The following DGKH variants were observed in gnomAD, a reference collection of about 807,000 sequenced individuals.
The protein encoded by DGKH is diacylglycerol kinase eta.
A neutral mutation model predicts 159.3 loss-of-function variants in DGKH; 90 were observed. The observed-to-expected ratio is 0.57, with a 90% confidence interval of 0.48 to 0.67. DGKH has a LOEUF of 0.67. Ranked by LOEUF, DGKH falls within the 30% of genes least tolerant of loss-of-function variation. The pLI is 0.00. For missense variants in DGKH, 1,181 were observed against 1,506.1 expected, an observed-to-expected ratio of 0.78 and a Z score of 3.57; for synonymous variants, 536 against 553.8, an observed-to-expected ratio of 0.97 and a Z score of 0.45.
intron 1 of DGKH, among the ~76,000 whole-genome samples, chr13:42,109,048 A>G (rs1169020974): frequency 6.6e-6 from 1 of 152,252 alleles, no homozygotes; most frequent in Non-Finnish European, 1.5e-5. Flanking sequence ...CAGAGGGACT[A>G]GTTCAATTTA....
At chr13:42,247,541 T>C (rs1206480938), downstream of DGKH, among the ~76,000 whole-genome samples, 1 of 152,220 alleles carries the variant, frequency 6.6e-6, no homozygotes, top group East Asian at 1.9e-4. Context: ...CTACACTTTT[T>C]ATCATTATAT....
chr13:42,069,265 A>G, intron 1 of DGKH: 1 of 1,089,450 alleles, frequency 9.2e-7, no homozygotes, highest in African/African-American at 1.6e-5. Flanking sequence ...ACTTCACAAA[A>G]CTGATTTATG....
In DGKH at chr13:42,236,771, T is replaced by C. The variant is rs1163105163; in HGVS notation, c.*7583T>C. The C allele has an allele frequency of 3.9e-5, 6 of 152,128 alleles. No homozygotes were observed. The highest frequency in any genetic ancestry group is 7.3e-5 in the Non-Finnish European group (5 of 68,078). The allele number at this position is 152,128 out of a possible 1,614,324, so 9.4% of individuals were successfully genotyped here. A position where few individuals can be genotyped will look rare whatever the true frequency, so the allele number is the denominator to read the frequency against. ...TACAAAAATTAGCCAGGTGTGGTGGTGGGTGCCTGTAATCCCAGCTACTCA... is the reference window on the plus strand; with the variant it reads ...TACAAAAATTAGCCAGGTGTGGTGGCGGGTGCCTGTAATCCCAGCTACTCA... On this transcript the variant is annotated 3_prime_UTR_variant, in exon 30 of 30. Transcript: ENST00000337343.
chr13:42,097,618 A>G (rs1387640331), intron 1 of DGKH, among the ~76,000 whole-genome samples: 1 of 152,166 alleles, frequency 6.6e-6, no homozygotes, highest in Non-Finnish European at 1.5e-5. Flanking sequence ...AATATGTAAA[A>G]TTTGTGTAAC....
intron 21 of DGKH, 30 bp from the exon 22 acceptor site, chr13:42,208,929 A>G: frequency 1.3e-6 from 2 of 1,523,684 alleles, no homozygotes; most frequent in Non-Finnish European, 1.8e-6. Flanking sequence ...CTAAACATTC[A>G]GTAGAAGTGT....
At chr13:42,054,952 A>G (rs558767180) in intron 1 of DGKH, among the ~76,000 whole-genome samples, 6 of 152,364 alleles carry the variant, frequency 3.9e-5, no homozygotes, top group Middle Eastern at 3.4e-3. Context: ...CAATACTTTA[A>G]GTGTTGCTGT....
In DGKH at chr13:42,048,897, G is replaced by A; in HGVS notation, c.124G>A (p.Glu42Lys). 7.3e-7 allele frequency: 1 copy of A among 1,372,704 alleles called. No individual in the cohort carries two copies. Among genetic ancestry groups the A allele is most frequent in the African/African-American group, 1.5e-5 (1 of 66,604 alleles). 85.0% of individuals were successfully genotyped at this position (1,372,704 alleles called of 1,614,324 possible). A position where few individuals can be genotyped will look rare whatever the true frequency, so the allele number is the denominator to read the frequency against. Residue 42 changes from glutamate to lysine, a missense_variant, in exon 1 of 30, where the codon GAA becomes AAA. By Grantham distance (56) the Glu-to-Lys change is moderately conservative. Coordinates refer to ENST00000337343, the MANE Select transcript of DGKH (RefSeq NM_178009.5). The surrounding 1 kb of genome is among the most constrained non-coding windows in gnomAD (Gnocchi z 6.7). Reference sequence around the variant, plus strand: ...GCCGGGAGAGGATTCGTCTGACAGCGAAGCGGAGCAAGAGGGACCCCAGAA... The same window carrying A: ...GCCGGGAGAGGATTCGTCTGACAGCAAAGCGGAGCAAGAGGGACCCCAGAA... ...AGPGEDSSDS[E>K]AEQEGPQKLI... is the part of the protein sequence containing the mutation.
intron 1 of DGKH, among the ~76,000 whole-genome samples, chr13:42,076,948 TTTC>T (rs1293769631): frequency 6.6e-6 from 1 of 152,166 alleles, no homozygotes; most frequent in African/African-American, 2.4e-5. Flanking sequence ...GTGTAATTTT[TTTC>T]TTTCAGTAGT....
At chr13:42,068,947 A>C in intron 1 of DGKH, 1 of 1,434,498 alleles carries the variant, frequency 7.0e-7, no homozygotes. Context: ...TCAGATGTTC[A>C]GAATGCCGCT....
chr13:42,060,509 G>A (rs547263842), intron 1 of DGKH, among the ~76,000 whole-genome samples: 4 of 152,220 alleles, frequency 2.6e-5, no homozygotes, highest in Non-Finnish European at 4.4e-5. Context: ...CTCATTCCCG[G>A]CCAAATTTTG....
intron 12 of DGKH, among the ~76,000 whole-genome samples, chr13:42,174,501 A>G (rs1379395864): frequency 3.3e-5 from 5 of 152,166 alleles, no homozygotes; most frequent in African/African-American, 1.2e-4. Context: ...TGCATGTTCT[A>G]TCTGCCTGTT....
chr13:42,230,060 A>T lies in DGKH; in HGVS notation c.*872A>T, dbSNP rs1247366887. 6.6e-6 allele frequency: 1 copy of T among 152,144 alleles called. No homozygotes were observed. The highest frequency in any genetic ancestry group is 1.5e-5 in the Non-Finnish European group (1 of 68,014). The allele number at this position is 152,144 out of a possible 1,614,324, so 9.4% of individuals were successfully genotyped here. Reference sequence around the variant, plus strand: ...TGCACGTTAAGAAAATTCTCTGGATATTTTCATAAAATTACATGCTCCCTT... The same window carrying T: ...TGCACGTTAAGAAAATTCTCTGGATTTTTTCATAAAATTACATGCTCCCTT... On this transcript the variant is annotated 3_prime_UTR_variant, in exon 30 of 30. Coordinates refer to ENST00000337343, the MANE Select transcript of DGKH (RefSeq NM_178009.5).
intron 20 of DGKH, among the ~76,000 whole-genome samples, chr13:42,202,702 G>C (rs948421008): frequency 1.3e-5 from 2 of 152,176 alleles, no homozygotes; most frequent in African/African-American, 4.8e-5. Context: ...CTTGGAGTGA[G>C]ATTTAGAATC....
chr13:42,235,315 A>C lies in DGKH; in HGVS notation c.*6127A>C, dbSNP rs1168276357. 1 of 152,176 alleles carries C rather than the reference A, an allele frequency of 6.6e-6. No homozygotes were observed. Among genetic ancestry groups the C allele is most frequent in the Non-Finnish European group, 1.5e-5 (1 of 68,012 alleles). The allele number at this position is 152,176 out of a possible 1,614,324, so 9.4% of individuals were successfully genotyped here. A position where few individuals can be genotyped will look rare whatever the true frequency, so the allele number is the denominator to read the frequency against. On this transcript the variant is annotated 3_prime_UTR_variant, in exon 30 of 30. Coordinates refer to ENST00000337343, the MANE Select transcript of DGKH (RefSeq NM_178009.5). ...AATGAAAACCAAGCTACTACTTAAA[A>C]GTTATTAAAAACTTCACATAAAATA...
intron 1 of DGKH, chr13:42,068,830 A>G (rs2137686732): frequency 1.9e-6 from 1 of 526,486 alleles, no homozygotes; most frequent in African/African-American, 2.0e-5. Flanking sequence ...ATCCTTACTA[A>G]ATGACACCAT....
chr13:42,171,463 C>T (rs184953479), intron 11 of DGKH, among the ~76,000 whole-genome samples: 2 of 152,188 alleles, frequency 1.3e-5, no homozygotes, highest in African/African-American at 2.4e-5. Flanking sequence ...CTGCCACTTT[C>T]TCCTTTTTAT....
At chr13:42,226,134 C>A (rs1236401528) in intron 29 of DGKH, among the ~76,000 whole-genome samples, 1 of 151,908 alleles carries the variant, frequency 6.6e-6, no homozygotes. Flanking sequence ...AAAAAGTGAG[C>A]AAAGGACATG....
chr13:42,158,294 C>A (rs186421489), intron 5 of DGKH, among the ~76,000 whole-genome samples: 1 of 152,234 alleles, frequency 6.6e-6, no homozygotes, highest in African/African-American at 2.4e-5. Flanking sequence ...AAAGGAGATA[C>A]CTTTCATTTA....
intron 1 of DGKH, among the ~76,000 whole-genome samples, chr13:42,107,667 G>A (rs765133532): frequency 3.3e-5 from 5 of 152,092 alleles, no homozygotes; most frequent in African/African-American, 4.8e-5. Context: ...TGGGACTGTG[G>A]TGTTCAGTTG....
Sources: gnomAD v4.1 joint callset for allele counts (sites outside exome capture counted in the v4.1 genomes callset) on GRCh38, gnomAD v4.1.1 for gene constraint, Gnocchi (gnomAD v3.1) non-coding constraint, MANE v1.5 for transcripts, NCBI Gene and HGNC (gene_info 2026-07-23, HGNC 2026-07-21) for gene names.